FANCD2: variants seen among roughly 807,000 people sequenced by gnomAD.
The protein encoded by FANCD2 is FA complementation group D2, also known as Fanconi anemia group D2 protein.
In FANCD2, 131 loss-of-function variants were observed where a neutral mutation model predicts 192.3. That is an observed-to-expected ratio of 0.68 (90% CI 0.59 to 0.79). FANCD2 has a LOEUF of 0.79. Ranked by LOEUF, FANCD2 falls within the 30% of genes least tolerant of loss-of-function variation. FANCD2 has a pLI of 0.00. For synonymous variants in FANCD2, 524 were observed against 612.5 expected (o/e 0.86, Z 2.13); for missense variants, 1,508 against 1,701.6 (o/e 0.89, Z 2.00).
intron 32 of FANCD2, among the ~76,000 whole-genome samples, chr3:10,083,063 TAAAA>T (rs1693944293): frequency 6.6e-6 from 1 of 151,850 alleles, no homozygotes; most frequent in East Asian, 1.9e-4. Flanking sequence ...CCTGTCTCCA[TAAAA>T]AATACAAAAA....
chr3:10,089,584 C>T (rs1451664006), intron 36 of FANCD2, among the ~76,000 whole-genome samples: 1 of 152,100 alleles, frequency 6.6e-6, no homozygotes, highest in African/African-American at 2.4e-5. Flanking sequence ...ATTCTCCTAC[C>T]CCAGCCTTTC....
intron 19 of FANCD2, 57 bp from the exon 20 acceptor site, chr3:10,062,094 A>G: frequency 6.0e-6 from 8 of 1,336,994 alleles, no homozygotes; most frequent in Admixed American, 3.8e-5. Context: ...CGTTGTGCAC[A>G]TGTACCCTAA....
intron 10 of FANCD2, among the ~76,000 whole-genome samples, chr3:10,042,295 G>T (rs1193690831): frequency 6.6e-6 from 1 of 152,140 alleles, no homozygotes; most frequent in Non-Finnish European, 1.5e-5. Flanking sequence ...ATGCCTTACT[G>T]TAGCCAGTTG....
In FANCD2 at chr3:10,092,245, T is replaced by C; in HGVS notation, c.3842T>C (p.Leu1281Ser). 1 of 1,611,346 alleles carries C rather than the reference T, an allele frequency of 6.2e-7. No individual in the cohort carries two copies. The highest frequency in any genetic ancestry group is 8.5e-7 in the Non-Finnish European group (1 of 1,177,554). ...AVRDFSILIN[L>S]IKVFDSHPVL... ...CGAGACTTCAGTATCCTCATCAACT[T>C]GATAAAGGTGAGTATGGAGACTGCT... Residue 1281 changes from leucine (L) to serine (S), a missense_variant, in exon 38 of 44, where the codon TTG becomes TCG. By Grantham distance (145) the Leu-to-Ser change is moderately radical (BLOSUM62 -2). Around this residue, in one of 5 missense-constraint regions of FANCD2, gnomAD observed 796 missense variants for 879.4 expected, o/e 0.91. Transcript: ENST00000675286.
rs762955909 is a variant in FANCD2 at position 10,064,310 on chromosome 3, G to C, written c.1948-46G>C. On this transcript the variant is annotated intron_variant, in intron 21 of 43. Transcript: ENST00000675286. The stretch of plus-strand genomic sequence containing the variant: ...AGAGTAATTTATCTAGGGCTGTACA[G>C]CAAGTACACTCTGCACTGCCCTTTT... 2.4e-6 allele frequency: 3 copies of C among 1,265,048 alleles called. No individual in the cohort carries two copies. The African/African-American group carries it at 4.4e-5, about 18-fold the overall frequency. 78.4% of individuals were successfully genotyped at this position (1,265,048 alleles called of 1,614,324 possible).
chr3:10,042,769 A>C (rs1271611420), intron 11 of FANCD2, 106 bp downstream of exon 11: 1 of 921,220 alleles, frequency 1.1e-6, no homozygotes, highest in African/African-American at 1.6e-5. Context: ...GATAGCATTC[A>C]GAGGAGAGAA....
At chr3:10,030,439 C>T (rs377211883) in intron 2 of FANCD2, among the ~76,000 whole-genome samples, 45 of 152,236 alleles carry the variant, frequency 3.0e-4, no homozygotes, top group African/African-American at 1.1e-3. Context: ...CATAGCTTAG[C>T]TTCTACTGAC....
intron 36 of FANCD2, 58 bp from the exon 37 acceptor site, chr3:10,090,234 C>T: frequency 1.5e-6 from 2 of 1,296,658 alleles, no homozygotes; most frequent in Admixed American, 3.4e-5. Flanking sequence ...TGGTTCTTCC[C>T]AGGTAGTTCT....
chr3:10,085,199 C>G (rs1694109584), intron 32 of FANCD2, among the ~76,000 whole-genome samples: 2 of 151,950 alleles, frequency 1.3e-5, no homozygotes, highest in South Asian at 2.1e-4. Context: ...AGCTTTTTGC[C>G]CTTCAAAGTA....
intron 17 of FANCD2, among the ~76,000 whole-genome samples, chr3:10,050,362 T>G (rs62245510): frequency 2.0e-5 from 3 of 152,180 alleles, no homozygotes; most frequent in African/African-American, 7.2e-5. Flanking sequence ...CGGTGGCTCA[T>G]GCTTGTAATC....
At chr3:10,050,858 G>A (rs1173356942) in intron 17 of FANCD2, among the ~76,000 whole-genome samples, 12 of 151,922 alleles carry the variant, frequency 7.9e-5, no homozygotes, top group Non-Finnish European at 7.4e-5. Context: ...AGGCCGAGGC[G>A]GACGGATCAC....
chr3:10,059,151 C>T lies in FANCD2; in HGVS notation c.1657-1143C>T, dbSNP rs117901192. ...ACCCCAGCCTTCCGAGTAGCCAGGA[C>T]CACAGGCATGCACCACCACAGCTGG... On this transcript the variant is annotated intron_variant, in intron 18 of 43. Transcript: ENST00000675286. 2.5e-4 allele frequency among the ~76,000 whole-genome samples: 38 copies of T among 152,158 alleles called. No homozygotes were observed. The East Asian group carries it at 6.2e-3, about 25-fold the overall frequency.
rs188845308 is a variant in FANCD2 at position 10,035,626 on chromosome 3, T to A, written c.438+393T>A. ...CTCTTTTATTAAGTAGACAATACAT[T>A]GATATGATTTAAATATCTCAAGTTA... On this transcript the variant is annotated intron_variant, in intron 6 of 43. Coordinates refer to ENST00000675286, the MANE Select transcript of FANCD2 (RefSeq NM_001018115.3). Among the ~76,000 whole-genome samples the A allele has an allele frequency of 2.1e-3, 321 of 152,300 alleles. 6 individuals carry two copies. The highest frequency in any genetic ancestry group is 0.02 in the Admixed American group (298 of 15,276).
chr3:10,056,913 G>A (rs1224152305), intron 18 of FANCD2, among the ~76,000 whole-genome samples: 4 of 152,076 alleles, frequency 2.6e-5, no homozygotes, highest in African/African-American at 7.2e-5. Context: ...GGAGTACAGT[G>A]GTGTTATCTT....
intron 17 of FANCD2, among the ~76,000 whole-genome samples, chr3:10,050,832 A>G (rs1425744677): frequency 2.6e-5 from 4 of 152,100 alleles, no homozygotes; most frequent in African/African-American, 9.7e-5. Flanking sequence ...CATGCTTGTA[A>G]TACCAGCACT....
chr3:10,076,854 C>T (rs932456008), intron 29 of FANCD2, among the ~76,000 whole-genome samples: 2 of 152,118 alleles, frequency 1.3e-5, no homozygotes, highest in African/African-American at 4.8e-5. Context: ...TGAGCTCAAG[C>T]GATTCTTCTG....
At chr3:10,036,362 G>A in intron 7 of FANCD2, 23 bp downstream of exon 7, 4 of 1,569,898 alleles carry the variant, frequency 2.5e-6, no homozygotes, top group Non-Finnish European at 3.5e-6. Context: ...ATTATGGAAT[G>A]TTCAAAGTAC....
intron 18 of FANCD2, among the ~76,000 whole-genome samples, chr3:10,059,033 A>G (rs2087489882): frequency 6.6e-6 from 1 of 152,028 alleles, no homozygotes; most frequent in Admixed American, 6.6e-5. Context: ...TTTTATTTTG[A>G]GACAATGTCT....
intron 41 of FANCD2, among the ~76,000 whole-genome samples, chr3:10,095,572 A>C (rs554047906): frequency 1.3e-5 from 2 of 152,356 alleles, no homozygotes; most frequent in East Asian, 3.9e-4. Context: ...TCTAGGTAAC[A>C]GGACTGTGAT....
Sources: allele counts gnomAD v4.1 joint callset (sites outside exome capture counted in the v4.1 genomes callset), GRCh38; gene constraint gnomAD v4.1.1; regional missense constraint gnomAD v4.1.1; transcripts MANE v1.5; gene names NCBI Gene and HGNC (gene_info 2026-07-23, HGNC 2026-07-21).